Variants in PTPRD observed in about 807,000 individuals in gnomAD.
The protein encoded by PTPRD is receptor-type tyrosine-protein phosphatase delta.
PTPRD carries 34 observed loss-of-function variants against 214.5 expected under a neutral mutation model. That is an observed-to-expected ratio of 0.16 (90% CI 0.12 to 0.21). The LOEUF (loss-of-function observed/expected upper bound fraction) is 0.21. Among genes scored for constraint, PTPRD ranks in the 10% least tolerant of loss-of-function variants. The probability of loss-of-function intolerance (pLI) is 1.00; values close to 1 mark genes in which losing one functional copy is unlikely to be tolerated. For synonymous variants in PTPRD, 1,128 were observed against 845.7 expected (o/e 1.33, Z -5.79); for missense variants, 2,545 against 2,398.7 (o/e 1.06, Z -1.27).
At chr9:8,644,718 G>C (rs141178694) in intron 12 of PTPRD, among the ~76,000 whole-genome samples, 48 of 152,320 alleles carry the variant, frequency 3.2e-4, no homozygotes, top group South Asian at 2.3e-3. Flanking sequence ...AGAACTGGCA[G>C]CCATACTAGC....
intron 4 of PTPRD, among the ~76,000 whole-genome samples, chr9:9,983,031 T>G (rs984335822): frequency 3.3e-5 from 5 of 149,880 alleles, no homozygotes; most frequent in African/African-American, 4.9e-5. Flanking sequence ...TTCCCTTTAG[T>G]GTAAATCAAA....
At chr9:8,353,917 T>A (rs1425543024) in intron 39 of PTPRD, among the ~76,000 whole-genome samples, 1 of 138,152 alleles carries the variant, frequency 7.2e-6, no homozygotes, top group Non-Finnish European at 1.5e-5. Context: ...TGTGTATATA[T>A]GTATATATAT....
intron 10 of PTPRD, among the ~76,000 whole-genome samples, chr9:9,078,992 T>C (rs539156146): frequency 6.6e-6 from 1 of 152,250 alleles, no homozygotes; most frequent in Admixed American, 6.5e-5. Flanking sequence ...ACTCATGATG[T>C]ATAGTGATCA....
intron 7 of PTPRD, among the ~76,000 whole-genome samples, chr9:9,595,481 C>T (rs2093253652): frequency 6.7e-6 from 1 of 150,300 alleles, no homozygotes; most frequent in African/African-American, 2.4e-5. Context: ...CATGCATACA[C>T]ATGTATGCAT....
chr9:10,105,594 T>C (rs1158112178), intron 3 of PTPRD, among the ~76,000 whole-genome samples: 3 of 151,838 alleles, frequency 2.0e-5, no homozygotes, highest in African/African-American at 7.2e-5. Flanking sequence ...ATTCTAACAA[T>C]TGGTAATTTG....
At chr9:9,865,586 T>C (rs939480655) in intron 5 of PTPRD, among the ~76,000 whole-genome samples, 14 of 152,132 alleles carry the variant, frequency 9.2e-5, no homozygotes, top group Non-Finnish European at 2.1e-4. Context: ...TTCCTTTTCT[T>C]TATAAGTCAC....
intron 7 of PTPRD, among the ~76,000 whole-genome samples, chr9:9,633,231 G>A (rs139895916): frequency 2.5e-4 from 38 of 152,110 alleles, no homozygotes; most frequent in African/African-American, 9.2e-4. Flanking sequence ...GGAGGCGGAG[G>A]TTGAAGTAAG....
intron 14 of PTPRD, among the ~76,000 whole-genome samples, chr9:8,531,200 G>C (rs968015688): frequency 1.3e-5 from 2 of 152,012 alleles, no homozygotes; most frequent in Non-Finnish European, 2.9e-5. Context: ...GTTAAAAATT[G>C]AATTTCAAGA....
intron 9 of PTPRD, among the ~76,000 whole-genome samples, chr9:9,316,396 A>T (rs899088212): frequency 6.6e-6 from 1 of 152,132 alleles, no homozygotes; most frequent in East Asian, 1.9e-4. Flanking sequence ...AAAATCATTT[A>T]TAGTACACAT....
intron 5 of PTPRD, among the ~76,000 whole-genome samples, chr9:9,923,499 C>G (rs147462778): frequency 4.0e-5 from 6 of 151,652 alleles, no homozygotes; most frequent in African/African-American, 1.5e-4. Context: ...AAAAATCGAT[C>G]TCCAAACGAA....
chr9:8,919,253 C>G (rs977681260), intron 11 of PTPRD, among the ~76,000 whole-genome samples: 1 of 151,850 alleles, frequency 6.6e-6, no homozygotes, highest in African/African-American at 2.4e-5. Flanking sequence ...ATTAGCTGGG[C>G]GTGGTGGTGC....
intron 3 of PTPRD, among the ~76,000 whole-genome samples, chr9:10,084,996 T>C (rs943094896): frequency 8.6e-5 from 13 of 151,896 alleles, no homozygotes; most frequent in African/African-American, 3.1e-4. Flanking sequence ...TTTGAAGTAG[T>C]CCAGAGAAAT....
chr9:9,449,437 T>C (rs1483402755), intron 8 of PTPRD, among the ~76,000 whole-genome samples: 2 of 152,026 alleles, frequency 1.3e-5, no homozygotes, highest in Non-Finnish European at 2.9e-5. Context: ...CTACCAGTAG[T>C]GAATTGTAAT....
At chr9:10,077,848 G>T (rs1292364294) in intron 3 of PTPRD, among the ~76,000 whole-genome samples, 2 of 150,776 alleles carry the variant, frequency 1.3e-5, no homozygotes, top group African/African-American at 2.4e-5. Flanking sequence ...TTTTTTAAAA[G>T]GTTGCACAGT....
chr9:8,984,572 G>T (rs1463211438), intron 11 of PTPRD, among the ~76,000 whole-genome samples: 4 of 152,108 alleles, frequency 2.6e-5, no homozygotes, highest in Non-Finnish European at 5.9e-5. Flanking sequence ...CACAAGCAAG[G>T]AAGCAGTGGT....
intron 11 of PTPRD, among the ~76,000 whole-genome samples, chr9:8,956,346 C>G (rs1272078893): frequency 1.3e-5 from 2 of 151,918 alleles, no homozygotes; most frequent in Non-Finnish European, 1.5e-5. Flanking sequence ...CCACTTTGGA[C>G]TAATACTTAA....
At chr9:8,349,696 C>T (rs1032133058) in intron 39 of PTPRD, among the ~76,000 whole-genome samples, 1 of 152,156 alleles carries the variant, frequency 6.6e-6, no homozygotes, top group African/African-American at 2.4e-5. Flanking sequence ...CCCTGTGCTT[C>T]AGGCTGAGGC....
chr9:8,706,626 G>A (rs918391467), intron 12 of PTPRD, among the ~76,000 whole-genome samples: 1 of 152,176 alleles, frequency 6.6e-6, no homozygotes, highest in Non-Finnish European at 1.5e-5. Context: ...CTCATCTCAG[G>A]AGCAGAGATG....
At chr9:9,789,759 T>G (rs547406186) in intron 5 of PTPRD, among the ~76,000 whole-genome samples, 169 of 118,404 alleles carry the variant, frequency 1.4e-3, no homozygotes, top group African/African-American at 5.6e-3. Flanking sequence ...ATTGCGCCAC[T>G]GCACTCCAGC....
Sources: allele counts gnomAD v4.1 joint callset (sites outside exome capture counted in the v4.1 genomes callset), GRCh38; gene constraint gnomAD v4.1.1; transcripts MANE v1.5; gene names NCBI Gene and HGNC (gene_info 2026-07-23, HGNC 2026-07-21).